The following MAGI1 variants were observed in gnomAD, a reference collection of about 807,000 sequenced individuals.
MAGI1 encodes membrane associated guanylate kinase, WW and PDZ domain containing 1, also known as membrane-associated guanylate kinase, WW and PDZ domain-containing protein 1.
Under a neutral mutation model 139.9 loss-of-function variants are expected in MAGI1, and 58 were observed. The ratio of observed to expected loss-of-function variants is 0.41; its 90% CI spans 0.34 to 0.52. MAGI1 has a LOEUF of 0.52. Ranked by LOEUF, MAGI1 falls within the 20% of genes least tolerant of loss-of-function variation. The pLI, the probability that MAGI1 is intolerant of heterozygous loss-of-function variation, is 0.12. For synonymous variants in MAGI1, 812 were observed against 737.9 expected, an observed-to-expected ratio of 1.10 and a Z score of -1.63; for missense variants, 1,874 against 1,901.6, an observed-to-expected ratio of 0.99 and a Z score of 0.27.
intron 1 of MAGI1, among the ~76,000 whole-genome samples, chr3:65,786,146 G>A (rs1183519507): frequency 1.3e-5 from 2 of 151,512 alleles, no homozygotes; most frequent in Admixed American, 6.6e-5. Flanking sequence ...AGTAGAGATG[G>A]GATTTCGCCT....
chr3:65,695,665 C>A (rs1002687391), intron 1 of MAGI1, among the ~76,000 whole-genome samples: 18 of 152,154 alleles, frequency 1.2e-4, no homozygotes, highest in African/African-American at 4.1e-4. Context: ...GACGCCTAGA[C>A]CTCTTTTAAG....
Position 66,038,517 on chromosome 3 carries a change from C to T in MAGI1, c.-209G>A, listed in dbSNP as rs1395346436. ...ACTTTCTGGGCTTCCCCGCGAGCCC[C>T]GCACAGGCGCCCGCGAGCTTTGTTT... On this transcript the variant is annotated 5_prime_UTR_variant, in exon 1 of 23. Transcript: ENST00000402939. 4 of 637,430 alleles carry T rather than the reference C, an allele frequency of 6.3e-6. No homozygotes were observed. In the Admixed American group the frequency reaches 1.1e-4, roughly 18 times the overall value. 39.5% of individuals were successfully genotyped at this position (637,430 alleles called of 1,614,324 possible).
At chr3:65,848,478 T>C (rs1342291717) in intron 1 of MAGI1, among the ~76,000 whole-genome samples, 1 of 152,142 alleles carries the variant, frequency 6.6e-6, no homozygotes, top group African/African-American at 2.4e-5. Flanking sequence ...TCCAAAGAGC[T>C]GACAGGCAAT....
At chr3:65,785,344 T>C (rs186853810) in intron 1 of MAGI1, among the ~76,000 whole-genome samples, 8 of 152,282 alleles carry the variant, frequency 5.3e-5, no homozygotes, top group Non-Finnish European at 1.0e-4. Flanking sequence ...TTCCCCCTTT[T>C]CTTGGACGGA....
intron 12 of MAGI1, among the ~76,000 whole-genome samples, chr3:65,407,879 G>A (rs572221791): frequency 1.1e-4 from 17 of 152,228 alleles, no homozygotes; most frequent in African/African-American, 4.1e-4. Flanking sequence ...TGGCCTTAGC[G>A]CAGTGCTAGA....
At chr3:65,613,899 G>C (rs1402850697) in intron 2 of MAGI1, among the ~76,000 whole-genome samples, 1 of 152,130 alleles carries the variant, frequency 6.6e-6, no homozygotes, top group Non-Finnish European at 1.5e-5. Flanking sequence ...AAACTGAAAA[G>C]AGTGTTTGGG....
intron 2 of MAGI1, among the ~76,000 whole-genome samples, chr3:65,568,775 C>T (rs1475023320): frequency 1.3e-5 from 2 of 152,142 alleles, no homozygotes; most frequent in African/African-American, 4.8e-5. Context: ...GATAATGCTC[C>T]ATAACTTTCT....
chr3:65,936,620 A>G (rs1291927239), intron 1 of MAGI1, among the ~76,000 whole-genome samples: 4 of 151,912 alleles, frequency 2.6e-5, no homozygotes, highest in Non-Finnish European at 4.4e-5. Flanking sequence ...ATGTAGATAT[A>G]TATATATTAT....
At chr3:65,413,237 T>G (rs981341471) in intron 12 of MAGI1, among the ~76,000 whole-genome samples, 1 of 152,232 alleles carries the variant, frequency 6.6e-6, no homozygotes, top group African/African-American at 2.4e-5. Context: ...GTACATTGTT[T>G]GGCAATTTCA....
intron 14 of MAGI1, among the ~76,000 whole-genome samples, chr3:65,384,498 G>A (rs192443276): frequency 6.6e-6 from 1 of 152,326 alleles, no homozygotes; most frequent in African/African-American, 2.4e-5. Flanking sequence ...CCAGCACTTT[G>A]GGAGGCCAAG....
At chr3:65,666,391 C>T (rs943383161) in intron 1 of MAGI1, among the ~76,000 whole-genome samples, 2 of 152,190 alleles carry the variant, frequency 1.3e-5, no homozygotes, top group Non-Finnish European at 1.5e-5. Context: ...AGATGTCCAA[C>T]AATCTTTCTC....
At chr3:65,728,316 T>A (rs1433662353) in intron 1 of MAGI1, among the ~76,000 whole-genome samples, 3 of 152,096 alleles carry the variant, frequency 2.0e-5, no homozygotes, top group African/African-American at 7.2e-5. Flanking sequence ...GCGCAGAAGG[T>A]GGCCTAAGAT....
chr3:65,698,675 G>T (rs1349267052), intron 1 of MAGI1, among the ~76,000 whole-genome samples: 1 of 151,710 alleles, frequency 6.6e-6, no homozygotes. Flanking sequence ...CTAGCCATAT[G>T]TAGAAAGCTG....
In MAGI1 at chr3:66,038,158, C is replaced by G. The variant is rs1488475553; in HGVS notation, c.151G>C (p.Glu51Gln). 6.2e-7 allele frequency: 1 copy of G among 1,611,748 alleles called. No homozygotes were observed. Among genetic ancestry groups the G allele is most frequent in the East Asian group, 2.2e-5 (1 of 44,820 alleles). The change falls in exon 1 of 23, where the codon GAG becomes CAG. Residue 51 changes from glutamate to glutamine, a missense_variant. This residue lies in a region of MAGI1 where 648 missense variants were observed against 598.1 expected (regional missense o/e 1.08). Coordinates refer to ENST00000402939, the MANE Select transcript of MAGI1 (RefSeq NM_001033057.2). The part of the protein sequence containing the change: ...FPYVGAVAAV[E>Q]AAGLPGGGEG... ...CCGCCGCCGGGAAGCCCCGCTGCCT[C>G]GACCGCCGCCACCGCTCCGACGTAC...
chr3:65,923,559 A>G (rs1421768433), intron 1 of MAGI1, among the ~76,000 whole-genome samples: 1 of 152,156 alleles, frequency 6.6e-6, no homozygotes, highest in East Asian at 1.9e-4. Flanking sequence ...CATCATAAAA[A>G]GCCCACTAGG....
chr3:65,436,383 T>C lies in MAGI1; in HGVS notation c.1363+772A>G, dbSNP rs182753251. Among the ~76,000 whole-genome samples the C allele has an allele frequency of 1.8e-4, 27 of 152,248 alleles. No homozygotes were observed. In the East Asian group the frequency reaches 3.7e-3, roughly 21 times the overall value. On this transcript the variant is annotated intron_variant, in intron 10 of 22. Transcript: ENST00000402939. Reference sequence around the variant, plus strand: ...AAGAAAACTAAACACAAATATTTTCTATAATTTAAGAGTAATGAGGCCTGA... The same window carrying C: ...AAGAAAACTAAACACAAATATTTTCCATAATTTAAGAGTAATGAGGCCTGA...
intron 10 of MAGI1, 95 bp downstream of exon 10, chr3:65,437,060 C>A: frequency 1.4e-6 from 1 of 693,472 alleles, no homozygotes; most frequent in South Asian, 2.4e-5. Flanking sequence ...AAAGGAATGA[C>A]TTGGGAGTTA....
At chr3:65,558,483 C>G (rs2080192655) in intron 2 of MAGI1, among the ~76,000 whole-genome samples, 1 of 152,062 alleles carries the variant, frequency 6.6e-6, no homozygotes, top group Admixed American at 6.6e-5. Flanking sequence ...GACCCTGTCT[C>G]TTTATTAGAA....
chr3:65,442,417 G>GA (rs1445439841), intron 8 of MAGI1, among the ~76,000 whole-genome samples: 3 of 152,036 alleles, frequency 2.0e-5, no homozygotes, highest in African/African-American at 7.2e-5. Context: ...AAAAGTAGAC[G>GA]AATCAGATAC....
Sources: gnomAD v4.1 joint callset for allele counts (sites outside exome capture counted in the v4.1 genomes callset) on GRCh38, gnomAD v4.1.1 for gene constraint, gnomAD v4.1.1 regional missense constraint, MANE v1.5 for transcripts, NCBI Gene and HGNC (gene_info 2026-07-23, HGNC 2026-07-21) for gene names.